Variants in SHROOM3 observed in about 807,000 individuals in gnomAD.
SHROOM3 encodes shroom family member 3, also known as protein Shroom3.
In SHROOM3, 47 loss-of-function variants were observed where a neutral mutation model predicts 138.6. That is an observed-to-expected ratio of 0.34 (90% CI 0.27 to 0.43). The LOEUF (loss-of-function observed/expected upper bound fraction) is 0.43, where lower values mean the gene tolerates loss of function less well. SHROOM3 is among the 20% of genes least tolerant of loss of function. The pLI is 1.00. For missense variants in SHROOM3, 2,491 were observed against 2,596.5 expected, an observed-to-expected ratio of 0.96 and a Z score of 0.88; for synonymous variants, 1,062 against 1,063.3, an observed-to-expected ratio of 1.00 and a Z score of 0.02.
At chr4:76,725,366 T>G (rs1720673459) in intron 3 of SHROOM3, among the ~76,000 whole-genome samples, 1 of 152,222 alleles carries the variant, frequency 6.6e-6, no homozygotes, top group African/African-American at 2.4e-5. Context: ...CATTTGCTCT[T>G]TCCTGCAGAA....
rs188419226 is a variant in SHROOM3 at position 76,551,889 on chromosome 4, T to G, written c.169-3720T>G. 2.3e-3 allele frequency among the ~76,000 whole-genome samples: 342 copies of G among 151,338 alleles called. 2 individuals are homozygous for G. Among genetic ancestry groups the G allele is most frequent in the African/African-American group, 7.7e-3 (317 of 41,230 alleles). On this transcript the variant is annotated intron_variant, in intron 1 of 10. Coordinates refer to ENST00000296043, the MANE Select transcript of SHROOM3 (RefSeq NM_020859.4). Reference sequence around the variant, plus strand: ...ATTATTATTTTTTTTTGAGACAGAGTCTCGCTCTGTCACCCAGGCTGGAGT... The same window carrying G: ...ATTATTATTTTTTTTTGAGACAGAGGCTCGCTCTGTCACCCAGGCTGGAGT...
At chr4:76,720,370 C>A (rs1188900636) in intron 3 of SHROOM3, among the ~76,000 whole-genome samples, 1 of 151,752 alleles carries the variant, frequency 6.6e-6, no homozygotes, top group Admixed American at 6.6e-5. Flanking sequence ...TGCTTCAGAC[C>A]TTTTCTGTCT....
At chr4:76,687,582 T>C (rs1719379324) in intron 2 of SHROOM3, among the ~76,000 whole-genome samples, 1 of 152,248 alleles carries the variant, frequency 6.6e-6, no homozygotes. Context: ...GTATTGTTGC[T>C]GAAATTTCTT....
Position 76,740,259 on chromosome 4 carries a change from G to T in SHROOM3, c.2086G>T (p.Ala696Ser), listed in dbSNP as rs371548836. ...EGYPGGRPTC[A>S]VNTKAEDPGR... is the part of the protein sequence containing the mutation. ...TTACCCCGGGGGCAGGCCCACCTGT[G>T]CAGTCAACACCAAGGCAGAAGACCC... Residue 696 changes from alanine to serine, a missense_variant, in exon 5 of 11, where the codon GCA (alanine) becomes TCA (serine). Physicochemically the swap from Ala to Ser is moderately conservative, Grantham distance 99. Coordinates refer to ENST00000296043, the MANE Select transcript of SHROOM3 (RefSeq NM_020859.4). The surrounding 1 kb of genome is among the most constrained non-coding windows in gnomAD (Gnocchi z 4.0). The T allele has an allele frequency of 5.0e-6, 8 of 1,613,130 alleles. No individual in the cohort carries two copies. The African/African-American group carries it at 6.7e-5, about 13-fold the overall frequency.
chr4:76,688,907 A>T, intron 2 of SHROOM3: 1 of 983,844 alleles, frequency 1.0e-6, no homozygotes, highest in Non-Finnish European at 1.2e-6. Context: ...TGTGACTTAC[A>T]CTGAGAAGAG....
At chr4:76,654,377 A>G (rs1560581275) in intron 2 of SHROOM3, among the ~76,000 whole-genome samples, 1 of 152,074 alleles carries the variant, frequency 6.6e-6, no homozygotes, top group South Asian at 2.1e-4. Flanking sequence ...AGGAAGTGAC[A>G]TGTTTTTGTT....
At chr4:76,475,432 A>G (rs1412170594) in intron 1 of SHROOM3, among the ~76,000 whole-genome samples, 1 of 152,228 alleles carries the variant, frequency 6.6e-6, no homozygotes. Flanking sequence ...CCATAGTTTC[A>G]TGAATGCTGG....
chr4:76,513,453 A>T (rs554309139), intron 1 of SHROOM3, among the ~76,000 whole-genome samples: 1 of 152,066 alleles, frequency 6.6e-6, no homozygotes, highest in Non-Finnish European at 1.5e-5. Flanking sequence ...AGCTGGGACT[A>T]CAGGCACCTG....
intron 2 of SHROOM3, among the ~76,000 whole-genome samples, chr4:76,599,987 C>T (rs191209226): frequency 0.05 from 7,279 of 145,590 alleles, 571 homozygotes; most frequent in African/African-American, 0.17. Flanking sequence ...TCTAAAAAAA[C>T]ATTTTTTTTT....
chr4:76,553,763 C>G (rs2110028382), intron 1 of SHROOM3, among the ~76,000 whole-genome samples: 1 of 152,332 alleles, frequency 6.6e-6, no homozygotes, highest in Admixed American at 6.5e-5. Flanking sequence ...TCCCAAAGTG[C>G]TGGGATTACA....
In SHROOM3 at chr4:76,710,240, C is replaced by T. The variant is rs746747130; in HGVS notation, c.408C>T (p.His136=). The part of the protein sequence containing the change: ...SPEHLTSGPQ[H]RKAAWSGGVK... ...AACACCTCACCTCTGGCCCCCAGCACAGGAAAGCAGCGTGGTCAGGAGGGG... is the reference window on the plus strand; with the variant it reads ...AACACCTCACCTCTGGCCCCCAGCATAGGAAAGCAGCGTGGTCAGGAGGGG... Residue 136 remains histidine, a synonymous_variant, in exon 3 of 11, where the codon CAC becomes CAT. Transcript: ENST00000296043. 1 of 1,614,134 alleles carries T rather than the reference C, an allele frequency of 6.2e-7. No homozygotes were observed. Among genetic ancestry groups the T allele is most frequent in the South Asian group, 1.1e-5 (1 of 91,084 alleles).
At chr4:76,701,722 C>G (rs1438689287) in intron 2 of SHROOM3, among the ~76,000 whole-genome samples, 1 of 152,178 alleles carries the variant, frequency 6.6e-6, no homozygotes, top group African/African-American at 2.4e-5. Context: ...TCTACTGATA[C>G]TAGTTTCACA....
intron 1 of SHROOM3, among the ~76,000 whole-genome samples, chr4:76,501,437 G>C (rs779195229): frequency 3.1e-4 from 47 of 152,118 alleles, no homozygotes; most frequent in Non-Finnish European, 6.5e-4. Context: ...AGAACCTTTT[G>C]TTCTAATATT....
chr4:76,705,362 T>C (rs1013452065), intron 2 of SHROOM3, among the ~76,000 whole-genome samples: 1 of 152,148 alleles, frequency 6.6e-6, no homozygotes, highest in Non-Finnish European at 1.5e-5. Context: ...CCTGACATGG[T>C]GGTGCATGCC....
At chr4:76,572,819 G>A (rs1460548401) in intron 2 of SHROOM3, among the ~76,000 whole-genome samples, 1 of 152,158 alleles carries the variant, frequency 6.6e-6, no homozygotes, top group African/African-American at 2.4e-5. Flanking sequence ...AGTGGCTCAA[G>A]CCTGTAATCC....
At position 76,663,532 on chromosome 4, in the gene SHROOM3, C is replaced by T. The variant is rs185012860; in HGVS notation, c.324-46624C>T. 1.1e-4 allele frequency among the ~76,000 whole-genome samples: 17 copies of T among 152,212 alleles called. No homozygotes were observed. In the East Asian group the frequency reaches 2.7e-3, roughly 24 times the overall value. On this transcript the variant is annotated intron_variant, in intron 2 of 10. Transcript: ENST00000296043. ...CCAGCAGCAAAGAAGCCCAATCTCT[C>T]GTGAAGCTGTGCTTTGTTTGGCCCA... is the stretch of plus-strand genomic sequence containing the variant.
At chr4:76,552,104 G>A (rs187469519) in intron 1 of SHROOM3, among the ~76,000 whole-genome samples, 5,416 of 149,986 alleles carry the variant, frequency 0.036, 133 homozygotes, top group Non-Finnish European at 0.053. Flanking sequence ...CTTGTGATCC[G>A]CCCGCCTCGG....
At chr4:76,700,802 A>G (rs1719882520) in intron 2 of SHROOM3, among the ~76,000 whole-genome samples, 1 of 151,062 alleles carries the variant, frequency 6.6e-6, no homozygotes, top group African/African-American at 2.4e-5. Flanking sequence ...TATTTTTGAG[A>G]CAGAGTCTCA....
intron 9 of SHROOM3, 89 bp from the exon 10 acceptor site, chr4:76,770,537 A>AGAT: frequency 6.7e-7 from 1 of 1,501,462 alleles, no homozygotes. Context: ...TGAGCCTTGA[A>AGAT]GATGACAGAA....
Sources: gnomAD v4.1 joint callset for allele counts (sites outside exome capture counted in the v4.1 genomes callset) on GRCh38, gnomAD v4.1.1 for gene constraint, Gnocchi (gnomAD v3.1) non-coding constraint, MANE v1.5 for transcripts, NCBI Gene and HGNC (gene_info 2026-07-23, HGNC 2026-07-21) for gene names.